The following IL18R1 variants were observed in gnomAD, a reference collection of about 807,000 sequenced individuals.
The protein encoded by IL18R1 is interleukin-18 receptor 1.
Under a neutral mutation model 48.5 loss-of-function variants are expected in IL18R1, and 40 were observed. That is an observed-to-expected ratio of 0.82 (90% confidence interval 0.64 to 1.07). IL18R1 has a LOEUF of 1.07. IL18R1 is among the 50% of genes least tolerant of loss of function. The pLI is 0.00. For missense variants in IL18R1, 596 were observed against 633.7 expected, an observed-to-expected ratio of 0.94 and a Z score of 0.64; for synonymous variants, 232 against 225.9, an observed-to-expected ratio of 1.03 and a Z score of -0.24.
intron 1 of IL18R1, among the ~76,000 whole-genome samples, chr2:102,357,267 G>A (rs1171714456): frequency 1.2e-4 from 19 of 152,042 alleles, no homozygotes; most frequent in Admixed American, 4.6e-4. Flanking sequence ...TGAGGTGGGC[G>A]GATCATGAGG....
chr2:102,381,673 G>C lies in IL18R1; in HGVS notation c.679G>C (p.Val227Leu). The stretch of plus-strand genomic sequence containing the variant: ...TGGACCAAAGCTTAACCATGTTGCA[G>C]TGGAATTAGGTATATTTCAATATAC... ...LLGPKLNHVA[V>L]ELGKNVRLNC... is the part of the protein sequence containing the mutation. The change falls in exon 6 of 11, where the codon GTG (valine) becomes CTG (leucine). Residue 227 changes from valine (V) to leucine (L), a missense_variant. Physicochemically the swap from Val to Leu is conservative, Grantham distance 32. Transcript: ENST00000233957. 6.2e-7 allele frequency: 1 copy of C among 1,607,068 alleles called. No homozygotes were observed. The highest frequency in any genetic ancestry group is 8.5e-7 in the Non-Finnish European group (1 of 1,173,658).
chr2:102,356,552 A>T (rs371947020), intron 1 of IL18R1, among the ~76,000 whole-genome samples, 152 bp downstream of exon 1: 2 of 152,266 alleles, frequency 1.3e-5, no homozygotes, highest in African/African-American at 4.8e-5. Context: ...TTGATGAGAC[A>T]GCATCCTGTC....
chr2:102,385,981 G>C lies in IL18R1; in HGVS notation c.810-880G>C, dbSNP rs558017965. Among the ~76,000 whole-genome samples, 104 of 152,336 alleles carry C rather than the reference G, an allele frequency of 6.8e-4. No homozygotes were observed. In the South Asian group the frequency reaches 0.021, roughly 31 times the overall value. ...GGTGCACACACCTTTGATATCATCT[G>C]TTTTGTCCTCTCAATGGCCTCCTGT... is the stretch of plus-strand genomic sequence containing the variant. On this transcript the variant is annotated intron_variant, in intron 7 of 10. Transcript: ENST00000233957.
At chr2:102,375,692 A>G (rs765454102) in intron 4 of IL18R1, among the ~76,000 whole-genome samples, 3 of 152,216 alleles carry the variant, frequency 2.0e-5, no homozygotes, top group Non-Finnish European at 4.4e-5. Context: ...ACTTCCCAGC[A>G]TATATTAATA....
intron 1 of IL18R1, among the ~76,000 whole-genome samples, chr2:102,360,731 A>G (rs1412527237): frequency 1.3e-5 from 2 of 152,240 alleles, no homozygotes; most frequent in East Asian, 3.8e-4. Flanking sequence ...GAAACTTAAG[A>G]GTTACGGAAA....
intron 2 of IL18R1, among the ~76,000 whole-genome samples, chr2:102,366,733 C>A (rs1678922655): frequency 6.6e-6 from 1 of 152,110 alleles, no homozygotes; most frequent in South Asian, 2.1e-4. Flanking sequence ...GGGGGAAAAG[C>A]CCCTTACAAA....
chr2:102,376,303 CTTAT>C (rs1679581424), intron 5 of IL18R1, among the ~76,000 whole-genome samples: 1 of 152,126 alleles, frequency 6.6e-6, no homozygotes. Context: ...TCAGCTCTCT[CTTAT>C]ATATGAAATT....
At chr2:102,377,549 C>T (rs1364660964) in intron 5 of IL18R1, among the ~76,000 whole-genome samples, 1 of 152,236 alleles carries the variant, frequency 6.6e-6, no homozygotes, top group African/African-American at 2.4e-5. Flanking sequence ...ATCTCCTGAC[C>T]TCGTGATCCC....
intron 9 of IL18R1, among the ~76,000 whole-genome samples, chr2:102,391,305 AC>A (rs1680558561): frequency 2.6e-5 from 4 of 152,212 alleles, no homozygotes; most frequent in African/African-American, 9.6e-5. Context: ...AAATATCAAT[AC>A]AGATTCTTAT....
chr2:102,394,389 A>T, intron 9 of IL18R1, 80 bp from the exon 10 acceptor site: 1 of 1,168,154 alleles, frequency 8.6e-7, no homozygotes, highest in Non-Finnish European at 1.2e-6. Flanking sequence ...TATACTCATT[A>T]CTTACGACAT....
intron 1 of IL18R1, among the ~76,000 whole-genome samples, chr2:102,357,615 G>A (rs564089691): frequency 3.1e-4 from 47 of 152,232 alleles, no homozygotes; most frequent in Non-Finnish European, 5.9e-4. Flanking sequence ...TTGGACATAG[G>A]CATGTGCCAT....
At chr2:102,362,749 T>C in intron 2 of IL18R1, 31 bp downstream of exon 2, 1 of 1,363,074 alleles carries the variant, frequency 7.3e-7, no homozygotes, top group Non-Finnish European at 1.0e-6. Flanking sequence ...TCAAACATAT[T>C]TCATGAGTAA....
chr2:102,381,901 T>G (rs1393990081), intron 6 of IL18R1, among the ~76,000 whole-genome samples: 1 of 152,202 alleles, frequency 6.6e-6, no homozygotes, highest in Non-Finnish European at 1.5e-5. Context: ...ACAGTGGAAC[T>G]GCCTGTGGTC....
chr2:102,367,237 C>T (rs1057236455), intron 2 of IL18R1, among the ~76,000 whole-genome samples: 10 of 152,124 alleles, frequency 6.6e-5, no homozygotes, highest in African/African-American at 1.9e-4. Context: ...TTAATGAATT[C>T]TTGATTATCC....
At chr2:102,394,774 C>T (rs1191097072) in intron 10 of IL18R1, 147 bp downstream of exon 10, 9 of 547,942 alleles carry the variant, frequency 1.6e-5, no homozygotes, top group Admixed American at 3.4e-5. Flanking sequence ...AGTCAACAAT[C>T]GATAGTGAGA....
chr2:102,394,547 T>G lies in IL18R1; in HGVS notation c.1190T>G (p.Val397Gly), dbSNP rs776677712. The G allele has an allele frequency of 6.2e-7, 1 of 1,613,330 alleles. No homozygotes were observed. The highest frequency in any genetic ancestry group is 1.1e-5 in the South Asian group (1 of 91,040). ...AATGGAGAGGAGCACACCTTTGCTG[T>G]GGAGATTTTGCCCAGGGTGTTGGAG... ...PENGEEHTFA[V>G]EILPRVLEKH... Residue 397 changes from valine to glycine, a missense_variant, in exon 10 of 11, where the codon GTG becomes GGG. Physicochemically the swap from Val to Gly is moderately radical, Grantham distance 109. This residue lies in a region of IL18R1 where 179 missense variants were observed against 206.1 expected (regional missense o/e 0.87). Coordinates refer to ENST00000233957, the MANE Select transcript of IL18R1 (RefSeq NM_003855.5).
intron 2 of IL18R1, among the ~76,000 whole-genome samples, chr2:102,365,753 C>T (rs966189234): frequency 7.2e-5 from 11 of 152,306 alleles, no homozygotes; most frequent in African/African-American, 2.4e-4. Flanking sequence ...GAAACCTAGG[C>T]GTAGGTTCCC....
At chr2:102,362,856 T>C in intron 2 of IL18R1, 138 bp downstream of exon 2, 1 of 495,508 alleles carries the variant, frequency 2.0e-6, no homozygotes, top group Non-Finnish European at 3.6e-6. Flanking sequence ...TGAGTTCATG[T>C]AGTGAGAGCA....
intron 4 of IL18R1, among the ~76,000 whole-genome samples, chr2:102,374,207 T>C (rs1679438615): frequency 6.6e-6 from 1 of 152,064 alleles, no homozygotes; most frequent in African/African-American, 2.4e-5. Context: ...GAATAACAAA[T>C]CTGAATAATA....
Sources: gnomAD v4.1 joint callset for allele counts (sites outside exome capture counted in the v4.1 genomes callset) on GRCh38, gnomAD v4.1.1 for gene constraint, gnomAD v4.1.1 regional missense constraint, MANE v1.5 for transcripts, NCBI Gene and HGNC (gene_info 2026-07-23, HGNC 2026-07-21) for gene names.